The following GLCCI1 variants were observed in gnomAD, a reference collection of about 807,000 sequenced individuals.
GLCCI1 encodes the protein glucocorticoid induced 1.
In GLCCI1, 24 loss-of-function variants were observed where a neutral mutation model predicts 52.2. That is an observed-to-expected ratio of 0.46 (90% CI 0.33 to 0.65). The LOEUF (loss-of-function observed/expected upper bound fraction) is 0.65, where lower values mean the gene tolerates loss of function less well. Among genes scored for constraint, GLCCI1 ranks in the 30% least tolerant of loss-of-function variants. The pLI, the probability that GLCCI1 is intolerant of heterozygous loss-of-function variation, is 0.02. For missense variants in GLCCI1, 704 were observed against 701.5 expected (o/e 1.00, Z -0.04); for synonymous variants, 310 against 276.5 (o/e 1.12, Z -1.20).
intron 2 of GLCCI1, among the ~76,000 whole-genome samples, chr7:8,015,278 T>C (rs1781355749): frequency 6.6e-6 from 1 of 152,236 alleles, no homozygotes; most frequent in Admixed American, 6.5e-5. Flanking sequence ...AAAAAATAAC[T>C]TTCAGTTTTA....
chr7:7,973,381 G>T (rs1228073489), intron 1 of GLCCI1, among the ~76,000 whole-genome samples: 1 of 150,886 alleles, frequency 6.6e-6, no homozygotes, highest in Non-Finnish European at 1.5e-5. Context: ...TACTGTCCAA[G>T]ATAGTAAGTA....
intron 2 of GLCCI1, among the ~76,000 whole-genome samples, chr7:8,011,766 C>T (rs187617460): frequency 8.6e-5 from 13 of 152,046 alleles, no homozygotes; most frequent in Admixed American, 2.6e-4. Context: ...ACATTAGCAA[C>T]GCACAGGGGT....
At chr7:7,971,217 G>C (rs530397073) in intron 1 of GLCCI1, among the ~76,000 whole-genome samples, 1 of 152,158 alleles carries the variant, frequency 6.6e-6, no homozygotes, top group Non-Finnish European at 1.5e-5. Context: ...AGCTGCTGCA[G>C]AAACTGACAT....
intron 2 of GLCCI1, among the ~76,000 whole-genome samples, chr7:8,017,408 C>CT (rs1439724550): frequency 1.3e-5 from 2 of 152,138 alleles, no homozygotes; most frequent in African/African-American, 2.4e-5. Context: ...ATTTTTTAGT[C>CT]TAACACTGGT....
chr7:8,016,468 CA>C (rs1406924044), intron 2 of GLCCI1, among the ~76,000 whole-genome samples: 1 of 151,734 alleles, frequency 6.6e-6, no homozygotes, highest in East Asian at 1.9e-4. Flanking sequence ...GACTCCATCT[CA>C]AAAACAAACA....
In GLCCI1 at chr7:8,070,926, G is replaced by T; in HGVS notation, c.972G>T (p.Leu324Phe). 4 of 1,613,716 alleles carry T rather than the reference G, an allele frequency of 2.5e-6. No homozygotes were observed. Among genetic ancestry groups the T allele is most frequent in the Non-Finnish European group, 3.4e-6 (4 of 1,179,672 alleles). Residue 324 changes from leucine (L) to phenylalanine (F), a missense_variant, in exon 6 of 8, where the codon TTG becomes TTT. Leu to Phe is a conservative substitution (Grantham distance 22). Transcript: ENST00000223145. ...TAATGGTATTCCTCTTACAGCCGTT[G>T]GACATACCAGATGGTCGAAGAGCTC... is the stretch of plus-strand genomic sequence containing the variant. The part of the protein sequence containing the change: ...NNGKEEVSKP[L>F]DIPDGRRAPL...
chr7:7,998,380 T>G (rs1780985531), intron 1 of GLCCI1, among the ~76,000 whole-genome samples: 1 of 152,082 alleles, frequency 6.6e-6, no homozygotes, highest in Non-Finnish European at 1.5e-5. Flanking sequence ...CACGCCCAGC[T>G]AATTTTTGTA....
chr7:8,028,031 C>G (rs565866596), intron 3 of GLCCI1, among the ~76,000 whole-genome samples: 1 of 152,348 alleles, frequency 6.6e-6, no homozygotes, highest in African/African-American at 2.4e-5. Flanking sequence ...CAACACCCTA[C>G]TTTCAGTATT....
chr7:7,987,794 C>A (rs1244490156), intron 1 of GLCCI1, among the ~76,000 whole-genome samples: 2 of 151,892 alleles, frequency 1.3e-5, no homozygotes, highest in African/African-American at 4.8e-5. Flanking sequence ...AATGGGGTTC[C>A]ACTGTGTTGT....
chr7:7,969,741 T>C lies in GLCCI1; in HGVS notation c.391T>C (p.Ser131Pro). 6.8e-7 allele frequency: 1 copy of C among 1,461,794 alleles called. No individual in the cohort carries two copies. The highest frequency in any genetic ancestry group is 9.0e-7 in the Non-Finnish European group (1 of 1,109,524). 90.6% of individuals were successfully genotyped at this position (1,461,794 alleles called of 1,614,324 possible). The change falls in exon 1 of 8, where the codon TCC becomes CCC. Residue 131 changes from serine (S) to proline (P), a missense_variant. Ser to Pro is a moderately conservative substitution (Grantham distance 74). This residue lies in a region of GLCCI1 where 547 missense variants were observed against 524.8 expected (regional missense o/e 1.04). Transcript: ENST00000223145. The surrounding 1 kb of genome is among the most constrained non-coding windows in gnomAD (Gnocchi z 4.9). ...GCGGGCCAAGGGCCGCCCGAGACGG[T>C]CCCCAGAGAGCCACCGGAGGAGCAG... ...APRAKGRPRRSPESHRRSSSP... is the reference protein window; with the variant it reads ...APRAKGRPRRPPESHRRSSSP...
intron 5 of GLCCI1, among the ~76,000 whole-genome samples, chr7:8,067,580 C>T (rs974772008): frequency 3.3e-5 from 5 of 152,176 alleles, no homozygotes; most frequent in African/African-American, 9.7e-5. Flanking sequence ...GTAATGAATT[C>T]TCTTACCATT....
At chr7:8,024,539 C>T (rs1007739163) in intron 3 of GLCCI1, among the ~76,000 whole-genome samples, 25 of 152,002 alleles carry the variant, frequency 1.6e-4, no homozygotes, top group East Asian at 3.9e-4. Flanking sequence ...AATTTGAATC[C>T]GTAGGAAGAA....
intron 1 of GLCCI1, among the ~76,000 whole-genome samples, chr7:7,988,583 A>G (rs1302569698): frequency 1.3e-5 from 2 of 152,130 alleles, no homozygotes; most frequent in Non-Finnish European, 2.9e-5. Flanking sequence ...TTAGGGGTAG[A>G]TACGACTTTT....
chr7:8,013,531 T>C (rs557577312), intron 2 of GLCCI1, among the ~76,000 whole-genome samples: 1 of 152,318 alleles, frequency 6.6e-6, no homozygotes, highest in South Asian at 2.1e-4. Flanking sequence ...TTTATTTTTC[T>C]CAGTTAATTT....
At chr7:8,060,740 T>A (rs895338724) in intron 5 of GLCCI1, among the ~76,000 whole-genome samples, 3 of 152,252 alleles carry the variant, frequency 2.0e-5, no homozygotes, top group African/African-American at 7.2e-5. Flanking sequence ...AAATTTGGAT[T>A]GTTTTAGTTT....
chr7:8,049,692 A>G (rs1261324229), intron 3 of GLCCI1, among the ~76,000 whole-genome samples: 2 of 152,176 alleles, frequency 1.3e-5, no homozygotes, highest in Non-Finnish European at 2.9e-5. Flanking sequence ...CTCCAGCATC[A>G]AGAAAGGAAG....
intron 3 of GLCCI1, among the ~76,000 whole-genome samples, chr7:8,025,082 A>G (rs1418966830): frequency 6.6e-6 from 1 of 152,222 alleles, no homozygotes; most frequent in Non-Finnish European, 1.5e-5. Context: ...TTTAATAGAA[A>G]GTTTTGAGAG....
chr7:8,054,607 A>C (rs1350489851), intron 3 of GLCCI1, among the ~76,000 whole-genome samples: 1 of 152,092 alleles, frequency 6.6e-6, no homozygotes, highest in Non-Finnish European at 1.5e-5. Flanking sequence ...TATTTAGATA[A>C]TTTTGGAATA....
At chr7:7,972,848 A>G (rs1386458468) in intron 1 of GLCCI1, among the ~76,000 whole-genome samples, 1 of 152,204 alleles carries the variant, frequency 6.6e-6, no homozygotes, top group Non-Finnish European at 1.5e-5. Flanking sequence ...AATGGTTACC[A>G]TAATAGAAAT....
Sources: gnomAD v4.1 joint callset for allele counts (sites outside exome capture counted in the v4.1 genomes callset) on GRCh38, gnomAD v4.1.1 for gene constraint, gnomAD v4.1.1 regional missense constraint, Gnocchi (gnomAD v3.1) non-coding constraint, MANE v1.5 for transcripts, NCBI Gene and HGNC (gene_info 2026-07-23, HGNC 2026-07-21) for gene names.